PIP4K2B: variants seen among roughly 807,000 people sequenced by gnomAD.
PIP4K2B encodes the protein phosphatidylinositol-5-phosphate 4-kinase type 2 beta.
PIP4K2B carries 3 observed loss-of-function variants against 42.0 expected under a neutral mutation model. That is an observed-to-expected ratio of 0.07 (90% confidence interval 0.03 to 0.18). The LOEUF is 0.18. PIP4K2B is among the 10% of genes least tolerant of loss of function. PIP4K2B has a pLI of 1.00. For missense variants in PIP4K2B, 332 were observed against 562.3 expected (o/e 0.59, Z 4.14); for synonymous variants, 204 against 210.1 (o/e 0.97, Z 0.25).
At chr17:38,771,721 G>A (rs149681657) in intron 7 of PIP4K2B, among the ~76,000 whole-genome samples, 2 of 152,216 alleles carry the variant, frequency 1.3e-5, no homozygotes, top group East Asian at 1.9e-4. Flanking sequence ...AGCCCATGAC[G>A]GTTTGGGATC....
intron 1 of PIP4K2B, among the ~76,000 whole-genome samples, chr17:38,797,632 TC>T (rs1209621395): frequency 2.0e-5 from 3 of 152,190 alleles, no homozygotes; most frequent in African/African-American, 7.2e-5. Context: ...GCTGTAATAC[TC>T]CTGACTCTCA....
rs1419904621 is a variant in PIP4K2B at position 38,799,456 on chromosome 17, G to C, written c.-32C>G. 4.6e-6 allele frequency: 7 copies of C among 1,537,394 alleles called. No homozygotes were observed. The highest frequency in any genetic ancestry group is 2.3e-5 in the South Asian group (2 of 85,270). On this transcript the variant is annotated 5_prime_UTR_variant, in exon 1 of 10. Transcript: ENST00000619039. This position sits in a 1 kb window ranked among gnomAD's most constrained non-coding sequence, Gnocchi z 4.4. ...GGCGGCGGCGGCGGCGGCGAAAGAG[G>C]GGGGCGGCGGAGACAGCGCACAAGC...
intron 2 of PIP4K2B, among the ~76,000 whole-genome samples, chr17:38,784,629 C>T (rs1402133574): frequency 6.6e-6 from 1 of 152,088 alleles, no homozygotes; most frequent in Non-Finnish European, 1.5e-5. Flanking sequence ...GGTTTCTAGG[C>T]TCTTAGGAAT....
intron 1 of PIP4K2B, among the ~76,000 whole-genome samples, chr17:38,795,830 C>T (rs1256112227): frequency 6.6e-6 from 1 of 151,404 alleles, no homozygotes; most frequent in East Asian, 1.9e-4. Flanking sequence ...TTAGTTATCA[C>T]AGAAATGCCA....
At chr17:38,775,036 G>A (rs1421144005) in intron 7 of PIP4K2B, among the ~76,000 whole-genome samples, 2 of 151,604 alleles carry the variant, frequency 1.3e-5, no homozygotes, top group Admixed American at 6.6e-5. Flanking sequence ...TGCAAGCTCC[G>A]TCTCCCGGGT....
At chr17:38,783,959 G>A (rs1269127116) in intron 3 of PIP4K2B, among the ~76,000 whole-genome samples, 1 of 152,168 alleles carries the variant, frequency 6.6e-6, no homozygotes, top group East Asian at 1.9e-4. Context: ...GACTGGGAAT[G>A]TCAGACTAAA....
intron 1 of PIP4K2B, among the ~76,000 whole-genome samples, chr17:38,793,311 T>C (rs1316240268): frequency 2.0e-5 from 3 of 151,616 alleles, no homozygotes; most frequent in Non-Finnish European, 4.4e-5. Context: ...TGCCGCCATC[T>C]TGGCTCAATG....
In PIP4K2B at chr17:38,795,119, A is replaced by G. The variant is rs1286332675; in HGVS notation, c.159+4147T>C. ...CATCTCAAAAAAAAAAAAAAAAAAA[A>G]AAAAAGAAAAATGAAAAAGACAACT... On this transcript the variant is annotated intron_variant, in intron 1 of 9. Coordinates refer to ENST00000619039, the MANE Select transcript of PIP4K2B (RefSeq NM_003559.5). 1.3e-4 allele frequency among the ~76,000 whole-genome samples: 19 copies of G among 150,888 alleles called. No homozygotes were observed. In the East Asian group the frequency reaches 1.5e-3, roughly 12 times the overall value.
In PIP4K2B at chr17:38,769,654, A is replaced by G; in HGVS notation, c.*37T>C. ...CCTAACTCCCGATCCCCGACCCCAT[A>G]TCCAGCTCTCTGGCTCTGGCTGAAG... On this transcript the variant is annotated 3_prime_UTR_variant, in exon 10 of 10. Coordinates refer to ENST00000619039, the MANE Select transcript of PIP4K2B (RefSeq NM_003559.5). 8.2e-7 allele frequency: 1 copy of G among 1,225,842 alleles called. No homozygotes were observed. The highest frequency in any genetic ancestry group is 1.2e-6 in the Non-Finnish European group (1 of 825,236). 75.9% of individuals were successfully genotyped at this position (1,225,842 alleles called of 1,614,324 possible). A position where few individuals can be genotyped will look rare whatever the true frequency, so the allele number is the denominator to read the frequency against.
chr17:38,778,582 C>A (rs142050815), intron 5 of PIP4K2B, among the ~76,000 whole-genome samples: 120 of 152,316 alleles, frequency 7.9e-4, no homozygotes, highest in African/African-American at 2.6e-3. Context: ...CAGGACTGCA[C>A]TGGAGAAGCT....
At chr17:38,774,275 T>C (rs1909194364) in intron 7 of PIP4K2B, among the ~76,000 whole-genome samples, 1 of 152,096 alleles carries the variant, frequency 6.6e-6, no homozygotes. Context: ...CCCTCCCCAG[T>C]GTGGATGGGC....
At chr17:38,777,859 C>G in intron 6 of PIP4K2B, 59 bp from the exon 7 acceptor site, 1 of 1,227,204 alleles carries the variant, frequency 8.1e-7, no homozygotes, top group Non-Finnish European at 1.2e-6. Context: ...CAGGGACACC[C>G]AACTGTTCTG....
chr17:38,791,801 T>C (rs558335109), intron 1 of PIP4K2B, among the ~76,000 whole-genome samples: 3 of 146,186 alleles, frequency 2.1e-5, no homozygotes, highest in African/African-American at 7.5e-5. Context: ...CAAAAAGACA[T>C]CTGCAGAGCT....
intron 7 of PIP4K2B, among the ~76,000 whole-genome samples, chr17:38,773,047 G>A (rs1002739193): frequency 6.6e-6 from 1 of 152,162 alleles, no homozygotes; most frequent in African/African-American, 2.4e-5. Context: ...TGTGGCTTCA[G>A]GCGTCCACTG....
At chr17:38,772,017 G>A (rs914062125) in intron 7 of PIP4K2B, among the ~76,000 whole-genome samples, 1 of 152,114 alleles carries the variant, frequency 6.6e-6, no homozygotes. Context: ...GGAACAGAGT[G>A]AGACCCTGTC....
intron 7 of PIP4K2B, chr17:38,776,169 C>T (rs1379472368): frequency 2.8e-6 from 1 of 355,904 alleles, no homozygotes; most frequent in African/African-American, 2.2e-5. Flanking sequence ...TGGGTTTCTC[C>T]ATGTTGGTCA....
In PIP4K2B at chr17:38,766,975, G is replaced by T; in HGVS notation, c.*2716C>A. On this transcript the variant is annotated 3_prime_UTR_variant, in exon 10 of 10. Coordinates refer to ENST00000619039, the MANE Select transcript of PIP4K2B (RefSeq NM_003559.5). Reference sequence around the variant, plus strand: ...AGGATGGGAGAAGGGGTGACTGGATGCCAGCCAGGAATCCTGGCCTTAGCC... The same window carrying T: ...AGGATGGGAGAAGGGGTGACTGGATTCCAGCCAGGAATCCTGGCCTTAGCC... 1 of 152,490 alleles carries T rather than the reference G, an allele frequency of 6.6e-6. No individual in the cohort carries two copies. The highest frequency in any genetic ancestry group is 1.5e-5 in the Non-Finnish European group (1 of 68,136). 9.4% of individuals were successfully genotyped at this position (152,490 alleles called of 1,614,324 possible). A position where few individuals can be genotyped will look rare whatever the true frequency, so the allele number is the denominator to read the frequency against.
At chr17:38,780,698 C>G in intron 3 of PIP4K2B, 94 bp from the exon 4 acceptor site, 1 of 1,257,254 alleles carries the variant, frequency 8.0e-7, no homozygotes, top group Non-Finnish European at 1.1e-6. Context: ...TGCTTGAAAG[C>G]CAACAACACT....
intron 1 of PIP4K2B, among the ~76,000 whole-genome samples, chr17:38,794,324 G>A (rs1029432569): frequency 1.3e-5 from 2 of 151,822 alleles, no homozygotes; most frequent in South Asian, 2.1e-4. Context: ...GGCTGGGGGC[G>A]GGGGAAATGG....
Sources: allele counts gnomAD v4.1 joint callset (sites outside exome capture counted in the v4.1 genomes callset), GRCh38; gene constraint gnomAD v4.1.1; non-coding constraint Gnocchi (gnomAD v3.1); transcripts MANE v1.5; gene names NCBI Gene and HGNC (gene_info 2026-07-23, HGNC 2026-07-21).